SRFBP1: variants seen among roughly 807,000 people sequenced by gnomAD.
SRFBP1 encodes serum response factor-binding protein 1.
A neutral mutation model predicts 45.5 loss-of-function variants in SRFBP1; 47 were observed. That is an observed-to-expected ratio of 1.03 (90% CI 0.82 to 1.32). The LOEUF is 1.32. Among genes scored for constraint, SRFBP1 ranks in the 40% most tolerant of loss-of-function variants. SRFBP1 has a pLI of 0.00. For missense variants in SRFBP1, 621 were observed against 484.6 expected (o/e 1.28, Z -2.64); for synonymous variants, 203 against 166.3 (o/e 1.22, Z -1.70).
rs1353483321 is a variant in SRFBP1, at chr5:122,018,272, A to C, written c.271-988A>C. Among the ~76,000 whole-genome samples, 50 of 152,218 alleles carry C rather than the reference A, an allele frequency of 3.3e-4. 2 individuals are homozygous for C. Among genetic ancestry groups the C allele is most frequent in the Admixed American group, 3.3e-3 (50 of 15,278 alleles). Reference sequence around the variant, plus strand: ...TGTGTGGAAAATTGACTGTTGAGAGAGCAAGTTGCAAAGGAGAGTGACCAG... The same window carrying C: ...TGTGTGGAAAATTGACTGTTGAGAGCGCAAGTTGCAAAGGAGAGTGACCAG... On this transcript the variant is annotated intron_variant, in intron 4 of 7. Transcript: ENST00000339397.
At chr5:122,034,726 C>T (rs1303638177) in intron 2 of SRFBP1, among the ~76,000 whole-genome samples, 1 of 151,380 alleles carries the variant, frequency 6.6e-6, no homozygotes, top group Non-Finnish European at 1.5e-5. Flanking sequence ...TGAAGTTTCT[C>T]TAGTCATTTT....
At chr5:122,026,518 G>A (rs1301339927) in intron 7 of SRFBP1, among the ~76,000 whole-genome samples, 2 of 152,212 alleles carry the variant, frequency 1.3e-5, no homozygotes, top group South Asian at 2.1e-4. Flanking sequence ...GTCAGACTCA[G>A]TGGAGTGTCT....
intron 4 of SRFBP1, among the ~76,000 whole-genome samples, chr5:121,999,143 T>C (rs892641518): frequency 3.3e-5 from 5 of 152,212 alleles, no homozygotes; most frequent in African/African-American, 9.6e-5. Flanking sequence ...AGCAGTACTT[T>C]AGCTGCATCT....
intron 2 of SRFBP1, among the ~76,000 whole-genome samples, chr5:122,051,629 T>G (rs888035424): frequency 6.6e-6 from 1 of 152,096 alleles, no homozygotes; most frequent in South Asian, 2.1e-4. Flanking sequence ...TTCCATCCCT[T>G]TGTTTTGAGC....
In SRFBP1 at chr5:121,981,585, C is replaced by G. The variant is rs375967932; in HGVS notation, c.198+6198C>G. On this transcript the variant is annotated intron_variant, in intron 3 of 7. Coordinates refer to ENST00000339397, the MANE Select transcript of SRFBP1 (RefSeq NM_152546.3). Reference sequence around the variant, plus strand: ...TTTTTTTTTTTTTTAACCAGCTAAACTGAATCCCAAACTTAGCAGTTTCAG... The same window carrying G: ...TTTTTTTTTTTTTTAACCAGCTAAAGTGAATCCCAAACTTAGCAGTTTCAG... Among the ~76,000 whole-genome samples, 168 of 138,564 alleles carry G rather than the reference C, an allele frequency of 1.2e-3. 1 individual carries two copies. Among genetic ancestry groups the G allele is most frequent in the African/African-American group, 4.3e-3 (162 of 37,702 alleles). 90.9% of individuals were successfully genotyped at this position (138,564 alleles called of 152,430 possible).
intron 2 of SRFBP1, chr5:122,065,938 C>T (rs954871856): frequency 1.3e-5 from 2 of 151,966 alleles, no homozygotes; most frequent in Admixed American, 6.6e-5. Context: ...TTATGTATAC[C>T]AGTCCCAAGA....
chr5:122,035,960 C>T (rs1395319081), intron 2 of SRFBP1, among the ~76,000 whole-genome samples: 1 of 152,198 alleles, frequency 6.6e-6, no homozygotes, highest in Non-Finnish European at 1.5e-5. Context: ...GTTCAATACT[C>T]CTCTCCTACA....
intron 2 of SRFBP1, among the ~76,000 whole-genome samples, chr5:122,069,523 C>T (rs867434810): frequency 6.6e-6 from 1 of 152,012 alleles, no homozygotes; most frequent in Non-Finnish European, 1.5e-5. Context: ...TATGAAGAAA[C>T]CTCCACACAC....
chr5:122,012,485 A>C (rs745561128), intron 4 of SRFBP1, among the ~76,000 whole-genome samples: 1 of 152,118 alleles, frequency 6.6e-6, no homozygotes, highest in Non-Finnish European at 1.5e-5. Flanking sequence ...ACATATAACT[A>C]ATGTGTATGT....
At position 122,027,155 on chromosome 5, in the gene SRFBP1, T is replaced by C; in HGVS notation, c.*29T>C. Reference sequence around the variant, plus strand: ...GTGCCTCTTTCTGCAAACTTTTCCATCTAAAAAAAAAAATGTTTTTTTTAA... The same window carrying C: ...GTGCCTCTTTCTGCAAACTTTTCCACCTAAAAAAAAAAATGTTTTTTTTAA... On this transcript the variant is annotated 3_prime_UTR_variant, in exon 8 of 8. Transcript: ENST00000339397. 6.5e-7 allele frequency: 1 copy of C among 1,548,244 alleles called. No individual in the cohort carries two copies. Among genetic ancestry groups the C allele is most frequent in the Non-Finnish European group, 8.8e-7 (1 of 1,141,460 alleles).
rs1166778582 is a variant in SRFBP1 at position 121,964,261 on chromosome 5, AG to A, written c.36+2195del. The stretch of plus-strand genomic sequence containing the variant: ...TGCAGAACGTGCAAGTTTGTTACAT[AG>A]GTATACATGTGCCATGGTGGTTTAC... On this transcript the variant is annotated intron_variant, in intron 1 of 7. Coordinates refer to ENST00000339397, the MANE Select transcript of SRFBP1 (RefSeq NM_152546.3). 3.3e-5 allele frequency among the ~76,000 whole-genome samples: 5 copies of A among 152,052 alleles called. No homozygotes were observed. In the East Asian group the frequency reaches 9.7e-4, roughly 29 times the overall value.
chr5:122,043,240 G>C (rs575322362), intron 2 of SRFBP1, among the ~76,000 whole-genome samples: 2 of 151,188 alleles, frequency 1.3e-5, no homozygotes, highest in Admixed American at 6.6e-5. Context: ...TTTCGAGACA[G>C]AGTCTCCCTC....
downstream of SRFBP1, chr5:122,078,096 G>T: frequency 9.7e-7 from 1 of 1,035,628 alleles, no homozygotes. Context: ...GGAGGCGAGC[G>T]GAGCACGGGT....
chr5:122,026,155 T>C lies in SRFBP1; in HGVS notation c.1106-787T>C, dbSNP rs554807425. ...TGGAGAAATTACATAGTCATAGGACTGATTAAGAAGTCTATATTAAGTTTT... is the reference window on the plus strand; with the variant it reads ...TGGAGAAATTACATAGTCATAGGACCGATTAAGAAGTCTATATTAAGTTTT... On this transcript the variant is annotated intron_variant, in intron 7 of 7. Coordinates refer to ENST00000339397, the MANE Select transcript of SRFBP1 (RefSeq NM_152546.3). Among the ~76,000 whole-genome samples the C allele has an allele frequency of 4.6e-5, 7 of 152,350 alleles. 1 individual carries two copies. The South Asian group carries it at 1.0e-3, about 23-fold the overall frequency.
rs1481000616 is a variant in SRFBP1 at position 121,974,260 on chromosome 5, G to C, written c.101G>C (p.Ser34Thr). 2.5e-6 allele frequency: 4 copies of C among 1,611,368 alleles called. No homozygotes were observed. Among genetic ancestry groups the C allele is most frequent in the Non-Finnish European group, 3.4e-6 (4 of 1,178,062 alleles). The change falls in exon 2 of 8, where the codon AGT (serine) becomes ACT (threonine). Residue 34 changes from serine to threonine, a missense_variant. Transcript: ENST00000339397. ...RVLVIRKLVR[S>T]VGRLKSKKGT... Reference sequence around the variant, plus strand: ...TTAGTTATCCGAAAACTTGTCAGGAGTGTTGGCCGACTGAAGTCAAAAAAG... The same window carrying C: ...TTAGTTATCCGAAAACTTGTCAGGACTGTTGGCCGACTGAAGTCAAAAAAG...
intron 4 of SRFBP1, among the ~76,000 whole-genome samples, chr5:122,001,615 G>T (rs1347968662): frequency 1.5e-5 from 2 of 131,510 alleles, no homozygotes; most frequent in African/African-American, 5.8e-5. Context: ...ACTGCGGATT[G>T]CAGTGGCGCA....
Position 122,019,293 on chromosome 5 carries a change from A to G in SRFBP1, c.304A>G (p.Arg102Gly), listed in dbSNP as rs1045699414. The change falls in exon 5 of 8, where the codon AGA becomes GGA. Residue 102 changes from arginine to glycine, a missense_variant. Physicochemically the swap from Arg to Gly is moderately radical, Grantham distance 125 (BLOSUM62 -2). Coordinates refer to ENST00000339397, the MANE Select transcript of SRFBP1 (RefSeq NM_152546.3). ...TACTGCAACTGAAAGAGCAATTGCC[A>G]GACTAGCAGTACATCCTCTTCTGAA... ...DSTATERAIA[R>G]LAVHPLLKKK... 1.2e-6 allele frequency: 2 copies of G among 1,612,728 alleles called. No homozygotes were observed. The highest frequency in any genetic ancestry group is 1.7e-5 in the Admixed American group (1 of 59,902).
downstream of SRFBP1, among the ~76,000 whole-genome samples, chr5:122,032,612 T>G (rs894793830): frequency 2.0e-5 from 3 of 152,220 alleles, no homozygotes; most frequent in Non-Finnish European, 4.4e-5. Context: ...TCTTCCTCAT[T>G]TAAAAAATTG....
intron 2 of SRFBP1, among the ~76,000 whole-genome samples, chr5:122,057,724 T>C (rs969722312): frequency 1.3e-5 from 2 of 152,060 alleles, no homozygotes; most frequent in Non-Finnish European, 2.9e-5. Context: ...GAAACTCTGA[T>C]GGAGAATTTT....
Sources: allele counts gnomAD v4.1 joint callset (sites outside exome capture counted in the v4.1 genomes callset), GRCh38; gene constraint gnomAD v4.1.1; transcripts MANE v1.5; gene names NCBI Gene and HGNC (gene_info 2026-07-23, HGNC 2026-07-21).